Variants in SPTBN5 observed in about 807,000 individuals in gnomAD.
SPTBN5 encodes the protein spectrin beta, non-erythrocytic 5, also known as spectrin beta chain, non-erythrocytic 5.
Under a neutral mutation model 477.6 loss-of-function variants are expected in SPTBN5, and 513 were observed. The observed-to-expected ratio is 1.07, with a 90% CI of 1.00 to 1.16. SPTBN5 has a LOEUF of 1.16. SPTBN5 is among the 50% of genes most tolerant of loss of function. SPTBN5 has a pLI of 0.00. For missense variants in SPTBN5, 5,062 were observed against 4,731.8 expected, an observed-to-expected ratio of 1.07 and a Z score of -2.05; for synonymous variants, 2,169 against 2,011.7, an observed-to-expected ratio of 1.08 and a Z score of -2.09.
rs367822090 is a variant in SPTBN5 at position 41,893,390 on chromosome 15, C to T, written c.108G>A (p.Met36Ile). ...TGTGGCCCGTCTCGTACTGAGAGTC[C>T]ATGGTGAGACTTGGACTGGGCGGGA... is the stretch of plus-strand genomic sequence containing the variant. ...LRVPPSPSLT[M>I]DSQYETGHIR... The change falls in exon 2 of 68, where the codon ATG (methionine) becomes ATA (isoleucine). Residue 36 changes from methionine (M) to isoleucine (I), a missense_variant. Met to Ile is a conservative substitution (Grantham distance 10). Coordinates refer to ENST00000320955, the MANE Select transcript of SPTBN5 (RefSeq NM_016642.4). 2 of 1,613,828 alleles carry T rather than the reference C, an allele frequency of 1.2e-6. No homozygotes were observed. Among genetic ancestry groups the T allele is most frequent in the African/African-American group, 1.3e-5 (1 of 75,056 alleles).
chr15:41,884,437 A>G (rs1359113609), intron 7 of SPTBN5, among the ~76,000 whole-genome samples: 1 of 152,060 alleles, frequency 6.6e-6, no homozygotes, highest in East Asian at 1.9e-4. Flanking sequence ...TTGATAACTC[A>G]CTTTCTCACA....
At chr15:41,859,140 C>A (rs997672880) in intron 47 of SPTBN5, among the ~76,000 whole-genome samples, 160 bp from the exon 48 acceptor site, 1 of 152,084 alleles carries the variant, frequency 6.6e-6, no homozygotes, top group Non-Finnish European at 1.5e-5. Context: ...GTCTGTTATG[C>A]GCCGGATTTT....
Position 41,853,460 on chromosome 15 carries a change from G to T in SPTBN5, c.9981-13C>A, listed in dbSNP as rs999857797. The T allele has an allele frequency of 5.8e-6, 9 of 1,559,646 alleles. No homozygotes were observed. Among genetic ancestry groups the T allele is most frequent in the African/African-American group, 4.1e-5 (3 of 73,982 alleles). ...CTGTGCCCATGCTCTGTGGGGCAGGGAAGGGAGCTGTTGTCAGGGCTGGCT... is the reference window on the plus strand; with the variant it reads ...CTGTGCCCATGCTCTGTGGGGCAGGTAAGGGAGCTGTTGTCAGGGCTGGCT... On this transcript the variant is annotated splice_polypyrimidine_tract_variant and intron_variant, in intron 58 of 67. Coordinates refer to ENST00000320955, the MANE Select transcript of SPTBN5 (RefSeq NM_016642.4).
Position 41,853,351 on chromosome 15 carries a change from CA to C in SPTBN5, c.10076del (p.Leu3359ArgfsTer33). 1 of 1,612,792 alleles carries C rather than the reference CA, an allele frequency of 6.2e-7. No individual in the cohort carries two copies. Among genetic ancestry groups the C allele is most frequent in the Non-Finnish European group, 8.5e-7 (1 of 1,179,590 alleles). On this transcript the variant is annotated frameshift_variant, in exon 59 of 68. Coordinates refer to ENST00000320955, the MANE Select transcript of SPTBN5 (RefSeq NM_016642.4). LOFTEE classifies it high-confidence loss of function. ...GGCGGCACTCCCTGATTTCTTGCCC[CA>C]GCTCTTCATGCTGCCCAAGGAGCTG... ...AEQLLGQHEE[L>X]GQEIRECRLQ...
At chr15:41,886,388 G>A in intron 6 of SPTBN5, 22 bp from the exon 7 acceptor site, 1 of 1,562,254 alleles carries the variant, frequency 6.4e-7, no homozygotes, top group Non-Finnish European at 8.6e-7. Flanking sequence ...CATAGGAAGG[G>A]GTCAGGGTCC....
chr15:41,867,315 G>A (rs1309958991), intron 35 of SPTBN5, among the ~76,000 whole-genome samples, 189 bp from the exon 36 acceptor site: 1 of 152,204 alleles, frequency 6.6e-6, no homozygotes, highest in Admixed American at 6.5e-5. Context: ...GGTGTGGACA[G>A]AGCCAAATGC....
At chr15:41,888,205 C>T (rs1280995606) in intron 4 of SPTBN5, 120 bp from the exon 5 acceptor site, 2 of 975,510 alleles carry the variant, frequency 2.1e-6, no homozygotes, top group East Asian at 2.6e-5. Flanking sequence ...GGCCCGGGGC[C>T]AGTGTGACTC....
intron 53 of SPTBN5, among the ~76,000 whole-genome samples, chr15:41,856,185 T>C (rs1161600452): frequency 2.0e-5 from 3 of 152,222 alleles, no homozygotes; most frequent in African/African-American, 4.8e-5. Context: ...GACCCACTGA[T>C]CTAGAGGGAA....
In SPTBN5 at chr15:41,871,361, C is replaced by T. The variant is rs752807732; in HGVS notation, c.5447+14G>A. The T allele has an allele frequency of 4.3e-6, 6 of 1,408,020 alleles. No homozygotes were observed. The East Asian group carries it at 1.2e-4, about 28-fold the overall frequency. The allele number at this position is 1,408,020 out of a possible 1,614,324, so 87.2% of individuals were successfully genotyped here. A position where few individuals can be genotyped will look rare whatever the true frequency, so the allele number is the denominator to read the frequency against. ...CCCCAAACCCCATGCTGGCCTGGCC[C>T]GTTGGGCACTCACTGCAGATCCTGC... On this transcript the variant is annotated intron_variant, in intron 29 of 67. Coordinates refer to ENST00000320955, the MANE Select transcript of SPTBN5 (RefSeq NM_016642.4).
At chr15:41,848,786 C>G (rs185345543) in intron 67 of SPTBN5, among the ~76,000 whole-genome samples, 158 bp from the exon 68 acceptor site, 2 of 152,318 alleles carry the variant, frequency 1.3e-5, no homozygotes, top group African/African-American at 4.8e-5. Context: ...GCTGCAGCAG[C>G]GACCACAGTG....
At chr15:41,865,725 A>G (rs2066276992) in intron 39 of SPTBN5, 83 bp downstream of exon 39, 1 of 1,304,632 alleles carries the variant, frequency 7.7e-7, no homozygotes. Context: ...GCCCTGCTCT[A>G]CAGCCCACAC....
chr15:41,892,840 C>G (rs558111078), intron 3 of SPTBN5, 54 bp downstream of exon 3: 7 of 1,521,278 alleles, frequency 4.6e-6, no homozygotes, highest in Non-Finnish European at 5.3e-6. Flanking sequence ...GTAGTTCAGC[C>G]TGTCCCAGCT....
At chr15:41,861,598 A>G in intron 45 of SPTBN5, 102 bp from the exon 46 acceptor site, 1 of 1,528,098 alleles carries the variant, frequency 6.5e-7, no homozygotes, top group African/African-American at 1.4e-5. Flanking sequence ...AGGGTCCTGG[A>G]AGGCAGGAGT....
rs759244358 is a variant in SPTBN5 at position 41,871,787 on chromosome 15, C to A, written c.5296G>T (p.Ala1766Ser). 20 of 1,584,414 alleles carry A rather than the reference C, an allele frequency of 1.3e-5. No individual in the cohort carries two copies. The South Asian group carries it at 1.5e-4, about 12-fold the overall frequency. The change falls in exon 28 of 68, where the codon GCC becomes TCC. Residue 1766 changes from alanine to serine, a missense_variant. Coordinates refer to ENST00000320955, the MANE Select transcript of SPTBN5 (RefSeq NM_016642.4). ...GESLGEDPEHALHLCTKFAKF... is the reference protein window; with the variant it reads ...GESLGEDPEHSLHLCTKFAKF... Reference sequence around the variant, plus strand: ...GACCCTGGCCCTCTTCTCACCAGGGCGTGCTCGGGGTCCTCTCCCAGGCTC... The same window carrying A: ...GACCCTGGCCCTCTTCTCACCAGGGAGTGCTCGGGGTCCTCTCCCAGGCTC...
rs774507791 is a variant in SPTBN5 at position 41,886,263 on chromosome 15, G to A, written c.992C>T (p.Ala331Val). The part of the protein sequence containing the change: ...WIAEKQMQLE[A>V]RDFPDSLPAM... The stretch of plus-strand genomic sequence containing the variant: ...GGGCAGCGAGTCTGGAAAATCCCGC[G>A]CCTCCAGCTGCATCTGCTTCTCTGC... The change falls in exon 7 of 68, where the codon GCG becomes GTG. Residue 331 changes from alanine (A) to valine (V), a missense_variant. Coordinates refer to ENST00000320955, the MANE Select transcript of SPTBN5 (RefSeq NM_016642.4). 3 of 1,613,252 alleles carry A rather than the reference G, an allele frequency of 1.9e-6. No individual in the cohort carries two copies. The highest frequency in any genetic ancestry group is 2.5e-6 in the Non-Finnish European group (3 of 1,179,888).
chr15:41,883,181 C>T lies in SPTBN5; in HGVS notation c.1707G>A (p.Val569=). Residue 569 remains valine, a synonymous_variant, in exon 9 of 68, where the codon GTG becomes GTA. Transcript: ENST00000320955. ...TACGQQLAEV[V]ELLQRHDLLE... is the part of the protein sequence containing the mutation. ...GCAGGTCATGCCTCTGCAGCAGCTC[C>T]ACCACTTCTGCCAGCTGCTGCCCAC... 1 of 1,612,710 alleles carries T rather than the reference C, an allele frequency of 6.2e-7. No homozygotes were observed. Among genetic ancestry groups the T allele is most frequent in the East Asian group, 2.2e-5 (1 of 44,866 alleles).
At position 41,855,379 on chromosome 15, in the gene SPTBN5, G is replaced by C; in HGVS notation, c.9268C>G (p.Leu3090Val). The change falls in exon 55 of 68, where the codon CTG (leucine) becomes GTG (valine). Residue 3090 changes from leucine to valine, a missense_variant. Coordinates refer to ENST00000320955, the MANE Select transcript of SPTBN5 (RefSeq NM_016642.4). The stretch of plus-strand genomic sequence containing the variant: ...CCCCTGGCCTCCGCCCTCCGCAGCA[G>C]CTCTGCGTGGGCCTCCCGAACTGCC... ...LQAVREAHAE[L>V]LRRAEARGHG... The C allele has an allele frequency of 6.2e-7, 1 of 1,604,842 alleles. No individual in the cohort carries two copies. Among genetic ancestry groups the C allele is most frequent in the East Asian group, 2.2e-5 (1 of 44,866 alleles).
chr15:41,868,843 G>A (rs2066432633), intron 32 of SPTBN5, among the ~76,000 whole-genome samples: 1 of 152,184 alleles, frequency 6.6e-6, no homozygotes, highest in African/African-American at 2.4e-5. Context: ...ACACATCTCT[G>A]CCCTTTGTTC....
chr15:41,888,234 T>A lies in SPTBN5; in HGVS notation c.502-149A>T, dbSNP rs187074519. On this transcript the variant is annotated intron_variant, in intron 4 of 67. Coordinates refer to ENST00000320955, the MANE Select transcript of SPTBN5 (RefSeq NM_016642.4). ...GTGACTCTCCTCTCTTCAGAGTATC[T>A]GATTTTGCCCAATTTCATCCACGGT... The A allele has an allele frequency of 4.9e-3, 3,926 of 795,652 alleles. 18 individuals carry two copies. Among genetic ancestry groups the A allele is most frequent in the South Asian group, 8.5e-3 (458 of 53,964 alleles). The allele number at this position is 795,652 out of a possible 1,614,324, so 49.3% of individuals were successfully genotyped here.
Sources: gnomAD v4.1 joint callset for allele counts (sites outside exome capture counted in the v4.1 genomes callset) on GRCh38, gnomAD v4.1.1 for gene constraint, MANE v1.5 for transcripts, NCBI Gene and HGNC (gene_info 2026-07-23, HGNC 2026-07-21) for gene names.